GRM1: variants seen among roughly 807,000 people sequenced by gnomAD.
GRM1 encodes the protein metabotropic glutamate receptor 1.
GRM1 carries 33 observed loss-of-function variants against 90.9 expected under a neutral mutation model. The ratio of observed to expected loss-of-function variants is 0.36; its 90% CI spans 0.28 to 0.49. The LOEUF (loss-of-function observed/expected upper bound fraction) is 0.49, where lower values mean the gene tolerates loss of function less well. Ranked by LOEUF, GRM1 falls within the 20% of genes least tolerant of loss-of-function variation. The probability of loss-of-function intolerance (pLI) is 0.99; values close to 1 mark genes in which losing one functional copy is unlikely to be tolerated. For missense variants in GRM1, 1,190 were observed against 1,534.3 expected (o/e 0.78, Z 3.75); for synonymous variants, 700 against 613.2 (o/e 1.14, Z -2.09).
chr6:146,312,106 C>G (rs1783791800), intron 3 of GRM1, among the ~76,000 whole-genome samples: 2 of 152,068 alleles, frequency 1.3e-5, no homozygotes, highest in Admixed American at 6.5e-5. Context: ...CTTTGGGAGG[C>G]CGAGGTGGGC....
At chr6:146,420,885 G>A (rs1012930102) in intron 7 of GRM1, among the ~76,000 whole-genome samples, 5 of 152,122 alleles carry the variant, frequency 3.3e-5, no homozygotes, top group African/African-American at 9.7e-5. Flanking sequence ...TTACCACTTT[G>A]TAGTCTCATA....
intron 1 of GRM1, among the ~76,000 whole-genome samples, chr6:146,056,581 C>A (rs2892453): frequency 0.46 from 69,558 of 151,814 alleles, 16,361 homozygotes; most frequent in Middle Eastern, 0.54. Context: ...AATTTAATGT[C>A]GAACCTTCGG....
intron 1 of GRM1, among the ~76,000 whole-genome samples, chr6:146,108,201 G>A (rs188202433): frequency 5.1e-4 from 78 of 152,266 alleles, no homozygotes; most frequent in South Asian, 1.2e-3. Context: ...TTGGGTGTAA[G>A]GATTCAGAAC....
chr6:146,209,810 T>TACTTTCAAAAC (rs1779621502), intron 2 of GRM1, among the ~76,000 whole-genome samples: 1 of 152,206 alleles, frequency 6.6e-6, no homozygotes, highest in African/African-American at 2.4e-5. Flanking sequence ...GTAGATACTT[T>TACTTTCAAAAC]ACTTTCAAAA....
intron 5 of GRM1, among the ~76,000 whole-genome samples, chr6:146,371,185 G>A (rs1450613820): frequency 6.6e-6 from 1 of 152,044 alleles, no homozygotes; most frequent in East Asian, 1.9e-4. Flanking sequence ...TGTAACTGGG[G>A]AAAAACGGAT....
chr6:146,384,630 C>T (rs1776435096), intron 5 of GRM1, among the ~76,000 whole-genome samples: 1 of 151,916 alleles, frequency 6.6e-6, no homozygotes, highest in Non-Finnish European at 1.5e-5. Context: ...CAGATTTGAC[C>T]AAGTGGCAAA....
chr6:146,077,920 A>G (rs1048310187), intron 1 of GRM1, among the ~76,000 whole-genome samples: 1 of 152,148 alleles, frequency 6.6e-6, no homozygotes, highest in African/African-American at 2.4e-5. Flanking sequence ...AGGGCAGCTA[A>G]TGAAGATGGC....
intron 2 of GRM1, among the ~76,000 whole-genome samples, chr6:146,274,089 A>T (rs777809573): frequency 1.3e-5 from 2 of 152,218 alleles, no homozygotes; most frequent in Non-Finnish European, 2.9e-5. Context: ...CTACAATAAG[A>T]ATGTATCTTT....
Position 146,029,513 on chromosome 6 carries a change from C to T in GRM1, c.-5C>T, listed in dbSNP as rs370041965. 2.7e-5 allele frequency: 43 copies of T among 1,611,752 alleles called. No individual in the cohort carries two copies. Among genetic ancestry groups the T allele is most frequent in the South Asian group, 4.4e-5 (4 of 91,028 alleles). On this transcript the variant is annotated 5_prime_UTR_variant, in exon 1 of 8. Coordinates refer to ENST00000282753, the MANE Select transcript of GRM1 (RefSeq NM_001278064.2). ...TGGCAGGCTGTGGACCTCGTCCTCA[C>T]CACCATGGTCGGGCTCCTTTTGTTT...
chr6:146,343,683 T>TTAC (rs1408363776), intron 3 of GRM1, among the ~76,000 whole-genome samples: 1 of 151,336 alleles, frequency 6.6e-6, no homozygotes, highest in African/African-American at 2.4e-5. Flanking sequence ...ATTATTATTA[T>TTAC]TGAGATGGAG....
intron 2 of GRM1, among the ~76,000 whole-genome samples, chr6:146,217,122 C>T (rs1185943108): frequency 6.6e-6 from 1 of 152,056 alleles, no homozygotes; most frequent in African/African-American, 2.4e-5. Flanking sequence ...TATATAATTA[C>T]CTAGTTATAT....
chr6:146,199,889 C>T (rs1328457933), intron 2 of GRM1, among the ~76,000 whole-genome samples: 1 of 152,056 alleles, frequency 6.6e-6, no homozygotes, highest in African/African-American at 2.4e-5. Flanking sequence ...TGGTGGCACA[C>T]GTCTGTAATC....
chr6:146,258,601 C>G (rs749470171), intron 2 of GRM1, among the ~76,000 whole-genome samples: 1 of 152,144 alleles, frequency 6.6e-6, no homozygotes, highest in Admixed American at 6.5e-5. Flanking sequence ...CTCACTGCAG[C>G]CTTGAAATCC....
rs138816502 is a variant in GRM1, at chr6:146,367,459, G to A, written c.1602+9765G>A. On this transcript the variant is annotated intron_variant, in intron 5 of 7. Coordinates refer to ENST00000282753, the MANE Select transcript of GRM1 (RefSeq NM_001278064.2). ...TTTACTTTTATTTTAGCTTCCCAGA[G>A]GGTACAGTTTTTTACATGGATAAAT... Among the ~76,000 whole-genome samples, 141 of 151,994 alleles carry A rather than the reference G, an allele frequency of 9.3e-4. 1 individual carries two copies. The highest frequency in any genetic ancestry group is 3.1e-3 in the African/African-American group (129 of 41,442).
At chr6:146,358,911 T>G (rs998694475) in intron 5 of GRM1, among the ~76,000 whole-genome samples, 11 of 152,178 alleles carry the variant, frequency 7.2e-5, no homozygotes, top group African/African-American at 2.7e-4. Flanking sequence ...GAAGTTATAT[T>G]AAAAATATTT....
chr6:146,418,959 A>G (rs1777887953), intron 7 of GRM1, among the ~76,000 whole-genome samples: 1 of 152,200 alleles, frequency 6.6e-6, no homozygotes, highest in Admixed American at 6.5e-5. Context: ...GTGGCACATA[A>G]GGTAATTCTG....
intron 2 of GRM1, among the ~76,000 whole-genome samples, chr6:146,168,618 A>C (rs542440213): frequency 6.0e-4 from 91 of 152,094 alleles, no homozygotes; most frequent in African/African-American, 2.1e-3. Context: ...ATTTCGTTTA[A>C]CATCACTTGT....
In GRM1 at chr6:146,070,364, C is replaced by A. The variant is rs78235360; in HGVS notation, c.700+40147C>A. Among the ~76,000 whole-genome samples, 305 of 152,240 alleles carry A rather than the reference C, an allele frequency of 2.0e-3. 4 individuals carry two copies. Among genetic ancestry groups the A allele is most frequent in the East Asian group, 2.5e-3 (13 of 5,178 alleles). The stretch of plus-strand genomic sequence containing the variant: ...GCATGATTTTATTGAATACTTAGGA[C>A]AGTCTTATGGTATGCGCTTTATATA... On this transcript the variant is annotated intron_variant, in intron 1 of 7. Coordinates refer to ENST00000282753, the MANE Select transcript of GRM1 (RefSeq NM_001278064.2).
intron 2 of GRM1, among the ~76,000 whole-genome samples, chr6:146,255,152 C>G (rs544781906): frequency 6.6e-6 from 1 of 152,280 alleles, no homozygotes; most frequent in African/African-American, 2.4e-5. Flanking sequence ...ATTCCTGAGG[C>G]TAAGCACACC....
Sources: gnomAD v4.1 joint callset for allele counts (sites outside exome capture counted in the v4.1 genomes callset) on GRCh38, gnomAD v4.1.1 for gene constraint, MANE v1.5 for transcripts, NCBI Gene and HGNC (gene_info 2026-07-23, HGNC 2026-07-21) for gene names.